ANO6: variants seen among roughly 807,000 people sequenced by gnomAD.
The protein encoded by ANO6 is anoctamin 6, also known as anoctamin-6.
Under a neutral mutation model 117.5 loss-of-function variants are expected in ANO6, and 106 were observed. That is an observed-to-expected ratio of 0.90 (90% CI 0.77 to 1.06). The LOEUF (loss-of-function observed/expected upper bound fraction) is 1.06. Among genes scored for constraint, ANO6 ranks in the 50% least tolerant of loss-of-function variants. The pLI is 0.00. For missense variants in ANO6, 955 were observed against 1,121.1 expected (o/e 0.85, Z 2.12); for synonymous variants, 367 against 385.1 (o/e 0.95, Z 0.55).
Position 45,409,345 on chromosome 12 carries a change from T to C in ANO6, c.1881-12T>C. On this transcript the variant is annotated splice_polypyrimidine_tract_variant and intron_variant, in intron 15 of 19. Coordinates refer to ENST00000320560, the MANE Select transcript of ANO6 (RefSeq NM_001025356.3). ...ATATTCGTTCTAATTTATAAATTGT[T>C]CTTTTTGGCAGCTGGATCATGAATC... 2 of 1,613,838 alleles carry C rather than the reference T, an allele frequency of 1.2e-6. No homozygotes were observed. The highest frequency in any genetic ancestry group is 1.7e-6 in the Non-Finnish European group (2 of 1,179,804).
intron 2 of ANO6, among the ~76,000 whole-genome samples, chr12:45,319,225 C>G (rs1327227840): frequency 6.6e-6 from 1 of 152,106 alleles, no homozygotes; most frequent in Non-Finnish European, 1.5e-5. Flanking sequence ...CAGTTTTTGC[C>G]CATTCAGTAT....
At chr12:45,230,085 T>G (rs573524166) in intron 1 of ANO6, among the ~76,000 whole-genome samples, 149 of 152,120 alleles carry the variant, frequency 9.8e-4, no homozygotes, top group Non-Finnish European at 1.8e-3. Flanking sequence ...TGTTTTTTAT[T>G]AGAGATTTCG....
At chr12:45,439,527 C>T (rs767282317) in intron 19 of ANO6, 10 of 621,762 alleles carry the variant, frequency 1.6e-5, no homozygotes, top group Non-Finnish European at 2.2e-5. Flanking sequence ...TCTGTCTGGA[C>T]ATGAGGGCAT....
chr12:45,349,016 A>C (rs1267830578), intron 6 of ANO6, among the ~76,000 whole-genome samples: 2 of 152,170 alleles, frequency 1.3e-5, no homozygotes, highest in African/African-American at 4.8e-5. Context: ...TAAGCTGGGG[A>C]TAAATTATTA....
At chr12:45,245,085 G>A (rs993305448) in intron 1 of ANO6, among the ~76,000 whole-genome samples, 21 of 152,108 alleles carry the variant, frequency 1.4e-4, no homozygotes, top group African/African-American at 4.8e-4. Context: ...GGAAGAAAAC[G>A]TTCTGATAGC....
intron 3 of ANO6, among the ~76,000 whole-genome samples, chr12:45,341,350 A>G (rs1940974037): frequency 6.6e-6 from 1 of 152,238 alleles, no homozygotes; most frequent in Non-Finnish European, 1.5e-5. Flanking sequence ...ATTTTTCATA[A>G]TAGCAAAAAG....
At position 45,350,701 on chromosome 12, in the gene ANO6, G is replaced by T; in HGVS notation, c.790G>T (p.Glu264Ter). ...GTCAGAGGATCCCAGCTGCCCTAATGAACGGTACCTTCTGTACAGAGAATG... is the reference window on the plus strand; with the variant it reads ...GTCAGAGGATCCCAGCTGCCCTAATTAACGGTACCTTCTGTACAGAGAATG... ...RQSEDPSCPN[E>*]RYLLYREWAH... The change falls in exon 7 of 20, where the codon GAA (glutamate) becomes TAA (stop). Residue 264 changes from glutamate to a stop codon, truncating the protein, a stop_gained. Coordinates refer to ENST00000320560, the MANE Select transcript of ANO6 (RefSeq NM_001025356.3). LOFTEE classifies it high-confidence loss of function. 1.2e-6 allele frequency: 2 copies of T among 1,613,820 alleles called. No individual in the cohort carries two copies. The highest frequency in any genetic ancestry group is 1.7e-6 in the Non-Finnish European group (2 of 1,179,812).
intron 2 of ANO6, among the ~76,000 whole-genome samples, chr12:45,328,891 C>T (rs1940567165): frequency 6.6e-6 from 1 of 152,054 alleles, no homozygotes; most frequent in Non-Finnish European, 1.5e-5. Context: ...ACTTACTTTT[C>T]GTAGTGTAAT....
intron 1 of ANO6, among the ~76,000 whole-genome samples, chr12:45,219,428 C>T (rs1050317267): frequency 6.6e-6 from 1 of 152,072 alleles, no homozygotes; most frequent in African/African-American, 2.4e-5. Flanking sequence ...CTTGACTTCC[C>T]AGGCTCAAGC....
intron 3 of ANO6, among the ~76,000 whole-genome samples, chr12:45,345,235 C>A (rs1023397447): frequency 6.6e-6 from 1 of 152,228 alleles, no homozygotes; most frequent in Non-Finnish European, 1.5e-5. Context: ...TACTTCAACA[C>A]AATACATCAG....
At chr12:45,395,426 C>G (rs1420211844) in intron 12 of ANO6, among the ~76,000 whole-genome samples, 4 of 152,102 alleles carry the variant, frequency 2.6e-5, no homozygotes, top group Admixed American at 1.3e-4. Flanking sequence ...AGAGGAGCTG[C>G]TACCATTCCT....
At chr12:45,287,650 A>G (rs898746342) in intron 1 of ANO6, among the ~76,000 whole-genome samples, 2 of 152,162 alleles carry the variant, frequency 1.3e-5, no homozygotes, top group African/African-American at 4.8e-5. Context: ...GTCAGGGATG[A>G]CGTCAGTAAT....
At chr12:45,216,451 G>A (rs1352461959) in intron 1 of ANO6, 60 bp downstream of exon 1, 8 of 1,573,146 alleles carry the variant, frequency 5.1e-6, no homozygotes, top group Non-Finnish European at 6.9e-6. Flanking sequence ...GAAGAAGTTC[G>A]GGGACTGCGC....
At position 45,350,667 on chromosome 12, in the gene ANO6, C is replaced by T; in HGVS notation, c.756C>T (p.Phe252=). ...KAAFPLHDCK[F]RRQSEDPSCP... is the part of the protein sequence containing the mutation. Reference sequence around the variant, plus strand: ...TCCCTTCTGCGTCACAGTGCAAATTCCGCCGTCAGTCAGAGGATCCCAGCT... The same window carrying T: ...TCCCTTCTGCGTCACAGTGCAAATTTCGCCGTCAGTCAGAGGATCCCAGCT... The change falls in exon 7 of 20, where the codon TTC becomes TTT. Residue 252 remains phenylalanine (F), a synonymous_variant. Coordinates refer to ENST00000320560, the MANE Select transcript of ANO6 (RefSeq NM_001025356.3). 6.2e-7 allele frequency: 1 copy of T among 1,613,614 alleles called. No individual in the cohort carries two copies. The highest frequency in any genetic ancestry group is 1.7e-4 in the Middle Eastern group (1 of 6,060).
intron 2 of ANO6, among the ~76,000 whole-genome samples, chr12:45,321,959 T>C (rs1353766945): frequency 6.6e-6 from 1 of 152,144 alleles, no homozygotes; most frequent in Admixed American, 6.6e-5. Flanking sequence ...ACAACTTGTT[T>C]TTTTCACTGT....
Position 45,349,416 on chromosome 12 carries a change from A to G in ANO6, c.747+785A>G, listed in dbSNP as rs192106795. On this transcript the variant is annotated intron_variant, in intron 6 of 19. Transcript: ENST00000320560. The stretch of plus-strand genomic sequence containing the variant: ...CAAGAGTACTTCTCTAGCCGAGAAC[A>G]TCTCTCGTGAAATGAAATTTTTAAA... Among the ~76,000 whole-genome samples the G allele has an allele frequency of 7.9e-5, 12 of 152,328 alleles. No homozygotes were observed. In the East Asian group the frequency reaches 2.3e-3, roughly 29 times the overall value.
chr12:45,277,988 C>T (rs532036889), intron 1 of ANO6, among the ~76,000 whole-genome samples: 1 of 152,236 alleles, frequency 6.6e-6, no homozygotes, highest in South Asian at 2.1e-4. Context: ...GGGTCTTGCT[C>T]TGTTGCCCAG....
intron 10 of ANO6, among the ~76,000 whole-genome samples, chr12:45,379,089 T>G (rs1177961216): frequency 6.6e-6 from 1 of 152,256 alleles, no homozygotes; most frequent in East Asian, 1.9e-4. Flanking sequence ...ATTAGATGCA[T>G]TTCCAATTTC....
At chr12:45,227,522 T>C (rs1160657762) in intron 1 of ANO6, among the ~76,000 whole-genome samples, 2 of 152,150 alleles carry the variant, frequency 1.3e-5, no homozygotes, top group African/African-American at 4.8e-5. Flanking sequence ...GCTGGGAGGA[T>C]GCGAGGTGGT....
Sources: allele counts gnomAD v4.1 joint callset (sites outside exome capture counted in the v4.1 genomes callset), GRCh38; gene constraint gnomAD v4.1.1; transcripts MANE v1.5; gene names NCBI Gene and HGNC (gene_info 2026-07-23, HGNC 2026-07-21).